The following C8orf88 variants were observed in gnomAD, a reference collection of about 807,000 sequenced individuals.
C8orf88 encodes chromosome 8 open reading frame 88.
A neutral mutation model predicts 18.4 loss-of-function variants in C8orf88; 14 were observed. The observed-to-expected ratio is 0.76, with a 90% confidence interval of 0.50 to 1.19. The LOEUF (loss-of-function observed/expected upper bound fraction) is 1.19. C8orf88 is among the 50% of genes most tolerant of loss of function. The pLI, the probability that C8orf88 is intolerant of heterozygous loss-of-function variation, is 0.00. For synonymous variants in C8orf88, 45 were observed against 42.9 expected (o/e 1.05, Z -0.19); for missense variants, 116 against 134.7 (o/e 0.86, Z 0.69).
At chr8:90,962,038 C>G (rs972243828) in intron 4 of C8orf88, among the ~76,000 whole-genome samples, 1 of 151,584 alleles carries the variant, frequency 6.6e-6, no homozygotes, top group Non-Finnish European at 1.5e-5. Flanking sequence ...GGTTGAATTA[C>G]TATCCTTACA....
chr8:90,972,444 G>A (rs542160519), intron 3 of C8orf88, among the ~76,000 whole-genome samples: 9 of 151,282 alleles, frequency 5.9e-5, no homozygotes, highest in South Asian at 4.2e-4. Flanking sequence ...TCTTGCCTCC[G>A]GAAATTTTAG....
intron 2 of C8orf88, among the ~76,000 whole-genome samples, chr8:90,979,576 G>A (rs1448638356): frequency 6.6e-6 from 1 of 152,084 alleles, no homozygotes; most frequent in Admixed American, 6.5e-5. Flanking sequence ...GACAGAAACT[G>A]GTGCCACTTC....
At chr8:90,969,081 A>C (rs1811246661) in intron 4 of C8orf88, among the ~76,000 whole-genome samples, 1 of 151,812 alleles carries the variant, frequency 6.6e-6, no homozygotes, top group Non-Finnish European at 1.5e-5. Context: ...TGTTAAACAC[A>C]CAACTACCAA....
chr8:90,971,898 C>T (rs1811289384), intron 3 of C8orf88, among the ~76,000 whole-genome samples: 3 of 151,906 alleles, frequency 2.0e-5, no homozygotes, highest in Non-Finnish European at 4.4e-5. Context: ...AAGAGGAACC[C>T]AGAACGCAAG....
chr8:90,959,067 T>C (rs1429538295), intron 5 of C8orf88, 37 bp from the exon 6 acceptor site: 1 of 1,002,906 alleles, frequency 1.0e-6, no homozygotes. Flanking sequence ...TATCAATTGA[T>C]TGAATACAGT....
chr8:90,974,413 G>A (rs1811320455), intron 3 of C8orf88, among the ~76,000 whole-genome samples: 2 of 152,152 alleles, frequency 1.3e-5, no homozygotes, highest in Admixed American at 6.6e-5. Context: ...CCAATGGCCA[G>A]TATTAACTGA....
intron 4 of C8orf88, among the ~76,000 whole-genome samples, chr8:90,970,359 GA>G (rs527301573): frequency 1.4e-3 from 207 of 151,808 alleles, no homozygotes; most frequent in Non-Finnish European, 2.3e-3. Context: ...AATATTAGAA[GA>G]AAAAAATTAA....
chr8:90,962,162 A>C (rs1811136700), intron 4 of C8orf88, among the ~76,000 whole-genome samples: 1 of 151,620 alleles, frequency 6.6e-6, no homozygotes, highest in African/African-American at 2.4e-5. Context: ...TCTTTCATTT[A>C]ACATTTTTGA....
chr8:90,978,569 T>A lies in C8orf88; in HGVS notation c.147+10A>T. On this transcript the variant is annotated intron_variant, in intron 3 of 5. Transcript: ENST00000517562. ...TAATATTTCCTTCTGTTATAATTTC[T>A]AAGACTTACTCTGCTAACTCCACTT... 1 of 1,499,482 alleles carries A rather than the reference T, an allele frequency of 6.7e-7. No homozygotes were observed. The highest frequency in any genetic ancestry group is 8.9e-7 in the Non-Finnish European group (1 of 1,122,766). 92.9% of individuals were successfully genotyped at this position (1,499,482 alleles called of 1,614,324 possible).
chr8:90,961,289 T>C (rs1239861519), intron 4 of C8orf88, among the ~76,000 whole-genome samples: 1 of 151,180 alleles, frequency 6.6e-6, no homozygotes, highest in Admixed American at 6.6e-5. Context: ...TTACTATGTA[T>C]CAGGAACTGT....
chr8:90,975,738 T>C (rs1586164657), intron 3 of C8orf88, among the ~76,000 whole-genome samples: 4 of 152,032 alleles, frequency 2.6e-5, no homozygotes, highest in African/African-American at 9.7e-5. Context: ...TGATATCTTA[T>C]AACGCTAAAC....
At position 90,958,884 on chromosome 8, in the gene C8orf88, A is replaced by T; in HGVS notation, c.*123T>A. 1 of 598,300 alleles carries T rather than the reference A, an allele frequency of 1.7e-6. No homozygotes were observed. Among genetic ancestry groups the T allele is most frequent in the Non-Finnish European group, 2.8e-6 (1 of 356,324 alleles). 37.1% of individuals were successfully genotyped at this position (598,300 alleles called of 1,614,324 possible). A position where few individuals can be genotyped will look rare whatever the true frequency, so the allele number is the denominator to read the frequency against. On this transcript the variant is annotated 3_prime_UTR_variant, in exon 6 of 6. Transcript: ENST00000517562. ...AAATAGCTCTTTCTCATTTTTAGAGAAGTCAAATAGCCAACCATCAAAATT... is the reference window on the plus strand; with the variant it reads ...AAATAGCTCTTTCTCATTTTTAGAGTAGTCAAATAGCCAACCATCAAAATT...
intron 4 of C8orf88, among the ~76,000 whole-genome samples, chr8:90,961,535 GA>G (rs1330560839): frequency 6.6e-6 from 1 of 151,184 alleles, no homozygotes; most frequent in Non-Finnish European, 1.5e-5. Flanking sequence ...ACATGTGAAG[GA>G]AAGACATTTT....
At chr8:90,978,355 A>G (rs1361728483) in intron 3 of C8orf88, among the ~76,000 whole-genome samples, 1 of 152,212 alleles carries the variant, frequency 6.6e-6, no homozygotes, top group East Asian at 1.9e-4. Context: ...GTTTGTAACT[A>G]TATGTGAAGT....
At chr8:90,976,412 T>C (rs1012004233) in intron 3 of C8orf88, among the ~76,000 whole-genome samples, 2 of 152,156 alleles carry the variant, frequency 1.3e-5, no homozygotes, top group African/African-American at 4.8e-5. Context: ...TTGATTTTTC[T>C]CTATAAAACT....
intron 5 of C8orf88, 25 bp from the exon 6 acceptor site, chr8:90,959,055 T>C: frequency 1.8e-6 from 2 of 1,131,104 alleles, no homozygotes; most frequent in Non-Finnish European, 2.5e-6. Context: ...AAAAAGTTAA[T>C]TTATCAATTG....
At chr8:90,972,747 C>T (rs1811300676) in intron 3 of C8orf88, among the ~76,000 whole-genome samples, 1 of 151,964 alleles carries the variant, frequency 6.6e-6, no homozygotes, top group Admixed American at 6.6e-5. Context: ...CAAAAGTACA[C>T]AGATAAGAAA....
Position 90,960,744 on chromosome 8 carries a change from GTT to G in C8orf88, c.326_327del (p.Lys109ThrfsTer8). On this transcript the variant is annotated frameshift_variant, in exon 5 of 6. Transcript: ENST00000517562. LOFTEE classifies it high-confidence loss of function. ...FLPDHPIVLQ[K>X]PENNQSFK ...TACAAACTTAGAAAACTACTTACTG[GTT>G]TTTGCAGTACAATGGGATGATCAGG... is the stretch of plus-strand genomic sequence containing the variant. The G allele has an allele frequency of 1.3e-5, 20 of 1,513,562 alleles. No homozygotes were observed. The highest frequency in any genetic ancestry group is 1.8e-5 in the Non-Finnish European group (20 of 1,131,232). The allele number at this position is 1,513,562 out of a possible 1,614,324, so 93.8% of individuals were successfully genotyped here.
chr8:90,965,885 T>A (rs951600157), intron 4 of C8orf88, among the ~76,000 whole-genome samples: 1 of 151,790 alleles, frequency 6.6e-6, no homozygotes, highest in African/African-American at 2.4e-5. Context: ...AAAACAGTGT[T>A]CAGATCATAG....
Sources: gnomAD v4.1 joint callset for allele counts (sites outside exome capture counted in the v4.1 genomes callset) on GRCh38, gnomAD v4.1.1 for gene constraint, MANE v1.5 for transcripts, NCBI Gene and HGNC (gene_info 2026-07-23, HGNC 2026-07-21) for gene names.